Variants in CAPZA2 observed in about 807,000 individuals in gnomAD.
The protein encoded by CAPZA2 is capping actin protein of muscle Z-line subunit alpha 2, also known as F-actin-capping protein subunit alpha-2.
CAPZA2 carries 13 observed loss-of-function variants against 44.0 expected under a neutral mutation model. That is an observed-to-expected ratio of 0.30 (90% CI 0.19 to 0.47). The LOEUF is 0.47. Among genes scored for constraint, CAPZA2 ranks in the 20% least tolerant of loss-of-function variants. The probability of loss-of-function intolerance (pLI) is 1.00; values close to 1 mark genes in which losing one functional copy is unlikely to be tolerated. For synonymous variants in CAPZA2, 94 were observed against 108.2 expected (o/e 0.87, Z 0.81); for missense variants, 244 against 338.6 (o/e 0.72, Z 2.19).
chr7:116,883,511 C>A (rs1295048943), intron 1 of CAPZA2, among the ~76,000 whole-genome samples: 1 of 152,146 alleles, frequency 6.6e-6, no homozygotes, highest in Non-Finnish European at 1.5e-5. Context: ...TCAGAAAGAA[C>A]CAGATTAAAG....
chr7:116,905,165 A>G (rs1791476770), intron 5 of CAPZA2, among the ~76,000 whole-genome samples: 2 of 151,918 alleles, frequency 1.3e-5, no homozygotes, highest in Non-Finnish European at 2.9e-5. Context: ...AAAGAAAAAA[A>G]AGAAATACAA....
chr7:116,892,777 T>C (rs950171596), intron 2 of CAPZA2, among the ~76,000 whole-genome samples: 3 of 152,128 alleles, frequency 2.0e-5, no homozygotes, highest in African/African-American at 2.4e-5. Flanking sequence ...TAAACAAGTA[T>C]GTATTTCTAT....
At chr7:116,905,680 G>C (rs1791489349) in intron 5 of CAPZA2, among the ~76,000 whole-genome samples, 1 of 152,190 alleles carries the variant, frequency 6.6e-6, no homozygotes, top group Non-Finnish European at 1.5e-5. Flanking sequence ...AGAGTTAAGG[G>C]AGTACTTGTT....
At chr7:116,888,350 AT>A in intron 2 of CAPZA2, 160 bp downstream of exon 2, 1 of 489,612 alleles carries the variant, frequency 2.0e-6, no homozygotes, top group Non-Finnish European at 3.6e-6. Flanking sequence ...TGGCTAGAAT[AT>A]AATGTATTTA....
chr7:116,870,898 G>A (rs1200994747), intron 1 of CAPZA2, among the ~76,000 whole-genome samples: 1 of 152,194 alleles, frequency 6.6e-6, no homozygotes, highest in Non-Finnish European at 1.5e-5. Context: ...GTAACAACTG[G>A]AGAACACAGG....
At chr7:116,890,499 T>G (rs1332728462) in intron 2 of CAPZA2, among the ~76,000 whole-genome samples, 12 of 101,728 alleles carry the variant, frequency 1.2e-4, no homozygotes, top group African/African-American at 4.1e-4. Flanking sequence ...GGTGAAACCC[T>G]GTCTCTACTT....
At chr7:116,862,878 G>A (rs1319482274) in intron 1 of CAPZA2, among the ~76,000 whole-genome samples, 1 of 151,932 alleles carries the variant, frequency 6.6e-6, no homozygotes, top group Non-Finnish European at 1.5e-5. Context: ...TCCTTGTAGG[G>A]TGTGTACTCC....
intron 4 of CAPZA2, among the ~76,000 whole-genome samples, chr7:116,899,831 A>C (rs1796972926): frequency 6.6e-6 from 1 of 151,726 alleles, no homozygotes; most frequent in Non-Finnish European, 1.5e-5. Context: ...TGTAATTTTA[A>C]TATTAAATAT....
At chr7:116,916,835 A>G (rs1378229821) in intron 9 of CAPZA2, among the ~76,000 whole-genome samples, 1 of 152,240 alleles carries the variant, frequency 6.6e-6, no homozygotes, top group African/African-American at 2.4e-5. Flanking sequence ...TTTGAGTGTC[A>G]TGTTGATGCT....
At chr7:116,872,737 G>A (rs1796568467) in intron 1 of CAPZA2, among the ~76,000 whole-genome samples, 2 of 152,248 alleles carry the variant, frequency 1.3e-5, no homozygotes, top group Non-Finnish European at 2.9e-5. Context: ...AAGTGGAAAA[G>A]TGCATAGTGG....
At position 116,905,194 on chromosome 7, in the gene CAPZA2, C is replaced by T. The variant is rs75154014; in HGVS notation, c.426+811C>T. Among the ~76,000 whole-genome samples the T allele has an allele frequency of 5.4e-3, 812 of 151,100 alleles. 6 individuals carry two copies. The highest frequency in any genetic ancestry group is 0.023 in the South Asian group (109 of 4,746). On this transcript the variant is annotated intron_variant, in intron 5 of 9. Coordinates refer to ENST00000361183, the MANE Select transcript of CAPZA2 (RefSeq NM_006136.3). ...AATACAAAATATGGTAGTAGGAATA[C>T]ATTTCTTTTTTAAAAATTTCATAAT...
At chr7:116,892,212 G>A (rs1213480577) in intron 2 of CAPZA2, among the ~76,000 whole-genome samples, 1 of 152,098 alleles carries the variant, frequency 6.6e-6, no homozygotes, top group Non-Finnish European at 1.5e-5. Flanking sequence ...CTTAATGGAA[G>A]ATATTTAGGT....
chr7:116,914,256 C>G (rs981851878), intron 8 of CAPZA2, among the ~76,000 whole-genome samples: 4 of 151,910 alleles, frequency 2.6e-5, no homozygotes, highest in Admixed American at 2.0e-4. Context: ...GTCTCGATCT[C>G]CTGACCTCGT....
chr7:116,887,391 G>A (rs1450641535), intron 1 of CAPZA2, among the ~76,000 whole-genome samples: 3 of 152,084 alleles, frequency 2.0e-5, no homozygotes, highest in Non-Finnish European at 4.4e-5. Context: ...ATCCAGGTGT[G>A]GTGGCACGTG....
intron 1 of CAPZA2, among the ~76,000 whole-genome samples, chr7:116,863,651 G>C (rs907374802): frequency 6.6e-6 from 1 of 152,132 alleles, no homozygotes; most frequent in Non-Finnish European, 1.5e-5. Flanking sequence ...ACTGTTTCTC[G>C]GAAAGGACCC....
chr7:116,884,841 T>G (rs1475088072), intron 1 of CAPZA2, among the ~76,000 whole-genome samples: 1 of 152,240 alleles, frequency 6.6e-6, no homozygotes. Flanking sequence ...TTTTCCATAC[T>G]GGTTGAATGA....
chr7:116,897,544 C>T (rs1195186751), intron 3 of CAPZA2, among the ~76,000 whole-genome samples: 1 of 152,150 alleles, frequency 6.6e-6, no homozygotes, highest in Non-Finnish European at 1.5e-5. Flanking sequence ...CCTGAAAATT[C>T]AGTGGACGCC....
In CAPZA2 at chr7:116,899,560, A is replaced by G. The variant is rs569059601; in HGVS notation, c.219+725A>G. ...GAAGGTGACTTGTAACTGAAGGGAA[A>G]TTTTAAGCTTATTTATAGATATGTG... is the stretch of plus-strand genomic sequence containing the variant. On this transcript the variant is annotated intron_variant, in intron 4 of 9. Transcript: ENST00000361183. Among the ~76,000 whole-genome samples the G allele has an allele frequency of 7.9e-5, 12 of 151,692 alleles. No homozygotes were observed. In the South Asian group the frequency reaches 2.5e-3, roughly 31 times the overall value.
chr7:116,885,101 T>G (rs1319690514), intron 1 of CAPZA2, among the ~76,000 whole-genome samples: 6 of 152,216 alleles, frequency 3.9e-5, no homozygotes, highest in Non-Finnish European at 7.3e-5. Flanking sequence ...TGGAGTCTTG[T>G]GGGTACTTTA....
Sources: gnomAD v4.1 joint callset for allele counts (sites outside exome capture counted in the v4.1 genomes callset) on GRCh38, gnomAD v4.1.1 for gene constraint, MANE v1.5 for transcripts, NCBI Gene and HGNC (gene_info 2026-07-23, HGNC 2026-07-21) for gene names.